The following PHLPP2 variants were observed in gnomAD, a reference collection of about 807,000 sequenced individuals.
PHLPP2 encodes PH domain leucine-rich repeat-containing protein phosphatase 2.
PHLPP2 carries 66 observed loss-of-function variants against 124.9 expected under a neutral mutation model. The observed-to-expected ratio is 0.53, with a 90% CI of 0.43 to 0.65. The LOEUF (loss-of-function observed/expected upper bound fraction) is 0.65, where lower values mean the gene tolerates loss of function less well. Among genes scored for constraint, PHLPP2 ranks in the 30% least tolerant of loss-of-function variants. The pLI, the probability that PHLPP2 is intolerant of heterozygous loss-of-function variation, is 0.00. For synonymous variants in PHLPP2, 681 were observed against 624.7 expected, an observed-to-expected ratio of 1.09 and a Z score of -1.34; for missense variants, 1,685 against 1,600.4, an observed-to-expected ratio of 1.05 and a Z score of -0.90.
intron 1 of PHLPP2, among the ~76,000 whole-genome samples, chr16:71,720,998 G>A (rs779200482): frequency 1.3e-4 from 20 of 152,194 alleles, no homozygotes; most frequent in Middle Eastern, 3.4e-3. Context: ...AAGCGGTGGG[G>A]AGGGATGGGA....
chr16:71,677,763 T>C (rs1362845641), intron 8 of PHLPP2: 2 of 151,992 alleles, frequency 1.3e-5, no homozygotes, highest in South Asian at 2.1e-4. Flanking sequence ...AAAACTCTCA[T>C]AAAAAGTTCT....
At chr16:71,698,762 G>C (rs1160190529) in intron 3 of PHLPP2, 1 of 260,126 alleles carries the variant, frequency 3.8e-6, no homozygotes, top group African/African-American at 2.3e-5. Flanking sequence ...CTTGACTTTA[G>C]TGAAATGTTA....
At chr16:71,694,553 G>C (rs1330631263) in intron 3 of PHLPP2, among the ~76,000 whole-genome samples, 1 of 151,948 alleles carries the variant, frequency 6.6e-6, no homozygotes, top group African/African-American at 2.4e-5. Context: ...AAAATAAAAA[G>C]TTACAGGCTG....
At chr16:71,704,895 T>A (rs1008160944) in intron 2 of PHLPP2, among the ~76,000 whole-genome samples, 4 of 152,110 alleles carry the variant, frequency 2.6e-5, no homozygotes, top group Non-Finnish European at 5.9e-5. Flanking sequence ...CCATATAATA[T>A]GAATAAACTG....
At position 71,652,886 on chromosome 16, in the gene PHLPP2, T is replaced by A; in HGVS notation, c.2721A>T (p.Arg907=). 6.2e-7 allele frequency: 1 copy of A among 1,614,086 alleles called. No homozygotes were observed. The highest frequency in any genetic ancestry group is 1.1e-5 in the South Asian group (1 of 91,076). The part of the protein sequence containing the change: ...NVGTCQAVLC[R]GGKPVPLSKV... ...TAGAGAGGGGCACTGGCTTCCCACC[T>A]CGGCACAGGACTGCTTGGCACGTGC... is the stretch of plus-strand genomic sequence containing the variant. Residue 907 remains arginine (R), a synonymous_variant, in exon 18 of 19, where the codon CGA becomes CGT. Coordinates refer to ENST00000568954, the MANE Select transcript of PHLPP2 (RefSeq NM_015020.3).
At chr16:71,689,858 A>G (rs193233167) in intron 4 of PHLPP2, among the ~76,000 whole-genome samples, 195 of 152,256 alleles carry the variant, frequency 1.3e-3, no homozygotes, top group African/African-American at 4.3e-3. Flanking sequence ...ATTGCTGTGT[A>G]TTTGGATCAG....
intron 1 of PHLPP2, among the ~76,000 whole-genome samples, chr16:71,720,703 A>G (rs2045393039): frequency 6.6e-6 from 1 of 152,032 alleles, no homozygotes; most frequent in Non-Finnish European, 1.5e-5. Context: ...TGTCTCTACT[A>G]AAAATACAAA....
At position 71,647,205 on chromosome 16, in the gene PHLPP2, T is replaced by A. The variant is rs1320876921; in HGVS notation, c.*1685A>T. 1.3e-5 allele frequency: 2 copies of A among 152,636 alleles called. No individual in the cohort carries two copies. The highest frequency in any genetic ancestry group is 2.9e-5 in the Non-Finnish European group (2 of 68,034). 9.5% of individuals were successfully genotyped at this position (152,636 alleles called of 1,614,324 possible). ...GTAAAATCAAGCAATGCCAACATTT[T>A]GTGGGAATAAATAGGAATTAATTTT... On this transcript the variant is annotated 3_prime_UTR_variant, in exon 19 of 19. Transcript: ENST00000568954.
In PHLPP2 at chr16:71,649,609, A is replaced by G. The variant is rs1358036996; in HGVS notation, c.3253T>C (p.Ser1085Pro). ...ACTTCACTGCTCACCTCTGAGGTGG[A>G]CATCTCACTGCTGAACTCAGAGGCA... ...GIASEFSSEM[S>P]TSEVSSEVGS... The change falls in exon 19 of 19, where the codon TCC becomes CCC. Residue 1085 changes from serine to proline, a missense_variant. Physicochemically the swap from Ser to Pro is moderately conservative, Grantham distance 74 (BLOSUM62 -1). Coordinates refer to ENST00000568954, the MANE Select transcript of PHLPP2 (RefSeq NM_015020.3). 2 of 1,614,148 alleles carry G rather than the reference A, an allele frequency of 1.2e-6. No homozygotes were observed. The highest frequency in any genetic ancestry group is 1.6e-4 in the Middle Eastern group (1 of 6,062).
In PHLPP2 at chr16:71,690,581, C is replaced by T. The variant is rs771597217; in HGVS notation, c.547G>A (p.Val183Ile). ...LVVLCGTCLI[V>I]SSVKDCQTGK... ...GTTTGACAATCCTTCACTGAGGAAACGATAAGGCAGGTACCACAGAGGACA... is the reference window on the plus strand; with the variant it reads ...GTTTGACAATCCTTCACTGAGGAAATGATAAGGCAGGTACCACAGAGGACA... The change falls in exon 4 of 19, where the codon GTT (valine) becomes ATT (isoleucine). Residue 183 changes from valine (V) to isoleucine (I), a missense_variant. By Grantham distance (29) the Val-to-Ile change is conservative (BLOSUM62 3). Coordinates refer to ENST00000568954, the MANE Select transcript of PHLPP2 (RefSeq NM_015020.3). The T allele has an allele frequency of 3.3e-5, 53 of 1,613,182 alleles. No individual in the cohort carries two copies. Among genetic ancestry groups the T allele is most frequent in the Middle Eastern group, 1.6e-4 (1 of 6,074 alleles).
intron 3 of PHLPP2, among the ~76,000 whole-genome samples, chr16:71,695,526 T>C (rs1001574490): frequency 1.3e-5 from 2 of 152,082 alleles, no homozygotes; most frequent in African/African-American, 4.8e-5. Flanking sequence ...CTGGCCAACA[T>C]GGTGAAACCC....
At chr16:71,665,431 T>C (rs1019864267) in intron 12 of PHLPP2, among the ~76,000 whole-genome samples, 8 of 152,232 alleles carry the variant, frequency 5.3e-5, no homozygotes, top group African/African-American at 1.9e-4. Flanking sequence ...AAACATGGTA[T>C]AATTTTAAAA....
intron 13 of PHLPP2, among the ~76,000 whole-genome samples, chr16:71,659,451 A>G (rs2044770425): frequency 6.6e-6 from 1 of 152,008 alleles, no homozygotes; most frequent in African/African-American, 2.4e-5. Flanking sequence ...GGGTTTCTCC[A>G]TGTTGGCCAG....
At chr16:71,690,263 T>C (rs1204269551) in intron 4 of PHLPP2, among the ~76,000 whole-genome samples, 1 of 152,208 alleles carries the variant, frequency 6.6e-6, no homozygotes, top group African/African-American at 2.4e-5. Context: ...TAGCATCCAC[T>C]GTCTACTCTG....
At chr16:71,671,741 C>T (rs2044894970) in intron 10 of PHLPP2, among the ~76,000 whole-genome samples, 1 of 151,906 alleles carries the variant, frequency 6.6e-6, no homozygotes, top group Non-Finnish European at 1.5e-5. Context: ...AGTGAAACCC[C>T]ATCTCTACTA....
intron 10 of PHLPP2, among the ~76,000 whole-genome samples, chr16:71,672,005 C>T (rs12924650): frequency 0.11 from 16,901 of 152,248 alleles, 1,155 homozygotes; most frequent in Middle Eastern, 0.2. Context: ...GATAACAGGT[C>T]TTCCTTGTTT....
At chr16:71,689,599 T>C (rs1008899757) in intron 4 of PHLPP2, among the ~76,000 whole-genome samples, 1 of 151,992 alleles carries the variant, frequency 6.6e-6, no homozygotes, top group Admixed American at 6.6e-5. Flanking sequence ...GGTTTCACTA[T>C]GTTGGCCAGG....
chr16:71,649,656 G>A lies in PHLPP2; in HGVS notation c.3206C>T (p.Thr1069Ile), dbSNP rs2044681224. 8.7e-6 allele frequency: 14 copies of A among 1,614,202 alleles called. No individual in the cohort carries two copies. The highest frequency in any genetic ancestry group is 1.2e-5 in the Non-Finnish European group (14 of 1,180,042). The change falls in exon 19 of 19, where the codon ACT becomes ATT. Residue 1069 changes from threonine (T) to isoleucine (I), a missense_variant. Coordinates refer to ENST00000568954, the MANE Select transcript of PHLPP2 (RefSeq NM_015020.3). ...TTIKDAPKPATPSSSSGIASE... is the reference protein window; with the variant it reads ...TTIKDAPKPAIPSSSSGIASE... ...GGCAATCCCACTGCTAGAGGATGGA[G>A]TGGCTGGCTTAGGGGCATCCTTGAT... is the stretch of plus-strand genomic sequence containing the variant.
chr16:71,649,302 T>C lies in PHLPP2; in HGVS notation c.3560A>G (p.Glu1187Gly). 1 of 1,613,876 alleles carries C rather than the reference T, an allele frequency of 6.2e-7. No homozygotes were observed. Among genetic ancestry groups the C allele is most frequent in the South Asian group, 1.1e-5 (1 of 91,080 alleles). ...CTCAGAACACAGGGTAGGAGAACTC[T>C]CTATGAGAGGGGGTGAGTTCTCCAG... The part of the protein sequence containing the change: ...RDLENSPPLI[E>G]SSPTLCSEEH... The change falls in exon 19 of 19, where the codon GAG (glutamate) becomes GGG (glycine). Residue 1187 changes from glutamate (E) to glycine (G), a missense_variant. By Grantham distance (98) the Glu-to-Gly change is moderately conservative (BLOSUM62 -2). Transcript: ENST00000568954.
Sources: allele counts gnomAD v4.1 joint callset (sites outside exome capture counted in the v4.1 genomes callset), GRCh38; gene constraint gnomAD v4.1.1; transcripts MANE v1.5; gene names NCBI Gene and HGNC (gene_info 2026-07-23, HGNC 2026-07-21).